THRB: variants seen among roughly 807,000 people sequenced by gnomAD.
The protein encoded by THRB is nuclear receptor subfamily 1 group A member 2.
THRB carries 12 observed loss-of-function variants against 47.8 expected under a neutral mutation model. That is an observed-to-expected ratio of 0.25 (90% confidence interval 0.16 to 0.41). THRB has a LOEUF of 0.41. Among genes scored for constraint, THRB ranks in the 10% least tolerant of loss-of-function variants. The pLI, the probability that THRB is intolerant of heterozygous loss-of-function variation, is 1.00. For missense variants in THRB, 348 were observed against 589.2 expected, an observed-to-expected ratio of 0.59 and a Z score of 4.24; for synonymous variants, 218 against 212.2, an observed-to-expected ratio of 1.03 and a Z score of -0.24.
intron 1 of THRB, among the ~76,000 whole-genome samples, chr3:24,440,949 T>A (rs1263764883): frequency 6.6e-6 from 1 of 152,190 alleles, no homozygotes; most frequent in East Asian, 1.9e-4. Context: ...AGGCTCAAGT[T>A]AGTTCAGCCC....
At chr3:24,274,872 TGA>T (rs952219678) in intron 3 of THRB, among the ~76,000 whole-genome samples, 4 of 151,014 alleles carry the variant, frequency 2.6e-5, no homozygotes, top group African/African-American at 5.0e-5. Context: ...TTATTTTCTA[TGA>T]GAGAGACAGT....
intron 5 of THRB, among the ~76,000 whole-genome samples, chr3:24,184,474 G>A (rs2042310721): frequency 6.6e-6 from 1 of 152,068 alleles, no homozygotes; most frequent in African/African-American, 2.4e-5. Context: ...GATGAACCAG[G>A]GCCTTGAATT....
At chr3:24,285,747 A>C (rs375016546) in intron 3 of THRB, among the ~76,000 whole-genome samples, 2 of 152,264 alleles carry the variant, frequency 1.3e-5, no homozygotes, top group East Asian at 3.9e-4. Flanking sequence ...CAATTGCTAA[A>C]TTATACCTAT....
intron 1 of THRB, among the ~76,000 whole-genome samples, chr3:24,367,576 T>C (rs73825631): frequency 1.3e-5 from 2 of 152,178 alleles, no homozygotes; most frequent in Non-Finnish European, 2.9e-5. Context: ...CTAGAACTGA[T>C]AGTAGAAAAG....
chr3:24,394,349 G>A (rs139838985), intron 1 of THRB, among the ~76,000 whole-genome samples: 32 of 152,240 alleles, frequency 2.1e-4, no homozygotes, highest in Admixed American at 6.5e-4. Flanking sequence ...GTGAGAGCCA[G>A]TACTTTTAGA....
chr3:24,263,237 T>C (rs1295824033), intron 3 of THRB, among the ~76,000 whole-genome samples: 1 of 152,190 alleles, frequency 6.6e-6, no homozygotes, highest in Non-Finnish European at 1.5e-5. Flanking sequence ...TCCTGTTCTT[T>C]TTCACCCAAC....
intron 8 of THRB, among the ~76,000 whole-genome samples, chr3:24,136,497 T>C (rs1575328605): frequency 1.3e-5 from 2 of 152,212 alleles, no homozygotes; most frequent in Admixed American, 1.3e-4. Context: ...ATAACAAAAA[T>C]ACATAATTTT....
intron 5 of THRB, among the ~76,000 whole-genome samples, chr3:24,183,544 G>C (rs534507587): frequency 2.4e-4 from 36 of 150,648 alleles, no homozygotes; most frequent in African/African-American, 8.3e-4. Flanking sequence ...ATTTTTTTTT[G>C]TATTTTTTGT....
At chr3:24,235,381 C>A (rs1176156672) in intron 3 of THRB, among the ~76,000 whole-genome samples, 2 of 152,132 alleles carry the variant, frequency 1.3e-5, no homozygotes, top group East Asian at 3.9e-4. Flanking sequence ...CATTGTTTAT[C>A]CAACCTGTGC....
chr3:24,211,194 T>A (rs1324178357), intron 4 of THRB, among the ~76,000 whole-genome samples: 3 of 129,824 alleles, frequency 2.3e-5, no homozygotes, highest in Non-Finnish European at 3.0e-5. Flanking sequence ...CAAGACTCCA[T>A]CTCAAAAAAA....
intron 1 of THRB, among the ~76,000 whole-genome samples, chr3:24,359,042 G>T (rs2063888242): frequency 6.6e-6 from 1 of 152,132 alleles, no homozygotes; most frequent in Admixed American, 6.6e-5. Context: ...CTATTGCTGT[G>T]AAGCAACACC....
intron 2 of THRB, among the ~76,000 whole-genome samples, chr3:24,333,909 T>C (rs2062075791): frequency 6.6e-6 from 1 of 152,180 alleles, no homozygotes; most frequent in South Asian, 2.1e-4. Context: ...TGACTCTTCT[T>C]GCCGTTTCCT....
chr3:24,220,651 G>C (rs887009313), intron 4 of THRB, among the ~76,000 whole-genome samples: 3 of 152,162 alleles, frequency 2.0e-5, no homozygotes, highest in African/African-American at 7.2e-5. Flanking sequence ...TAGGAGTTTT[G>C]AGGGAGGTTT....
At position 24,127,769 on chromosome 3, in the gene THRB, C is replaced by T; in HGVS notation, c.886-12G>A. On this transcript the variant is annotated splice_polypyrimidine_tract_variant and intron_variant, in intron 9 of 10. Coordinates refer to ENST00000646209, the MANE Select transcript of THRB (RefSeq NM_001354712.2). ...TCTTCACATGGCAGCTGAAAAGAAC[C>T]AGTTCATGTCAGCAAAGAACAAATG... 6.2e-7 allele frequency: 1 copy of T among 1,614,168 alleles called. No homozygotes were observed.
At chr3:24,194,627 CATTCTGAT>C (rs1340236175) in intron 4 of THRB, among the ~76,000 whole-genome samples, 1 of 152,210 alleles carries the variant, frequency 6.6e-6, no homozygotes, top group Non-Finnish European at 1.5e-5. Context: ...CGATGACCAT[CATTCTGAT>C]GGCTTTGATT....
chr3:24,165,100 G>T (rs2039461509), intron 5 of THRB: 1 of 764,890 alleles, frequency 1.3e-6, no homozygotes, highest in East Asian at 2.4e-5. Context: ...ATTCAGGTTG[G>T]CTGTATTGAT....
intron 3 of THRB, among the ~76,000 whole-genome samples, chr3:24,275,546 G>C (rs2053829382): frequency 6.6e-6 from 1 of 152,170 alleles, no homozygotes; most frequent in African/African-American, 2.4e-5. Flanking sequence ...TGAGGCAATG[G>C]TTTGGAGAGC....
chr3:24,438,302 T>G (rs1275468666), intron 1 of THRB, among the ~76,000 whole-genome samples: 1 of 151,854 alleles, frequency 6.6e-6, no homozygotes, highest in Non-Finnish European at 1.5e-5. Context: ...CAGGTGCCCA[T>G]TACAAGAAAG....
intron 3 of THRB, among the ~76,000 whole-genome samples, chr3:24,235,684 G>A (rs2048786205): frequency 6.6e-6 from 1 of 152,112 alleles, no homozygotes; most frequent in Non-Finnish European, 1.5e-5. Flanking sequence ...ACCCATGAGT[G>A]TGACGTTATT....
Sources: allele counts gnomAD v4.1 joint callset (sites outside exome capture counted in the v4.1 genomes callset), GRCh38; gene constraint gnomAD v4.1.1; transcripts MANE v1.5; gene names NCBI Gene and HGNC (gene_info 2026-07-23, HGNC 2026-07-21).